Variants in INPP4A observed in about 807,000 individuals in gnomAD.
INPP4A encodes inositol polyphosphate-4-phosphatase, type I, 107kD.
In INPP4A, 33 loss-of-function variants were observed where a neutral mutation model predicts 119.8. That is an observed-to-expected ratio of 0.28 (90% CI 0.21 to 0.37). The LOEUF is 0.37. INPP4A is among the 10% of genes least tolerant of loss of function. The pLI is 1.00. For missense variants in INPP4A, 956 were observed against 1,289.9 expected (o/e 0.74, Z 3.97); for synonymous variants, 496 against 500.7 (o/e 0.99, Z 0.12).
rs1574881958 is a variant in INPP4A, at chr2:98,519,811, C to T, written c.-103-135C>T. 16 of 521,582 alleles carry T rather than the reference C, an allele frequency of 3.1e-5. No individual in the cohort carries two copies. The South Asian group carries it at 3.1e-4, about 10-fold the overall frequency. 32.3% of individuals were successfully genotyped at this position (521,582 alleles called of 1,614,324 possible). ...GAAGGGGCAGGGAGCAGTGGACAGT[C>T]CACCCCGGTTCCTCACATGCTGGGG... On this transcript the variant is annotated intron_variant, in intron 2 of 24. Coordinates refer to ENST00000409851, the MANE Select transcript of INPP4A (RefSeq NM_001134225.2).
chr2:98,575,301 C>G (rs1344675200), intron 23 of INPP4A, among the ~76,000 whole-genome samples: 2 of 152,250 alleles, frequency 1.3e-5, no homozygotes, highest in Non-Finnish European at 2.9e-5. Flanking sequence ...CTGGCCATCC[C>G]TGCCTGCCTT....
At chr2:98,489,637 T>A (rs1680291146) in intron 1 of INPP4A, among the ~76,000 whole-genome samples, 2 of 152,184 alleles carry the variant, frequency 1.3e-5, no homozygotes, top group Admixed American at 1.3e-4. Flanking sequence ...CCCTCTACTA[T>A]GACAGTCCCA....
intron 1 of INPP4A, among the ~76,000 whole-genome samples, chr2:98,480,845 C>T (rs899801054): frequency 1.3e-5 from 2 of 152,216 alleles, no homozygotes; most frequent in African/African-American, 4.8e-5. Flanking sequence ...TGTCCGTCTC[C>T]GCAGCCAAAC....
intron 10 of INPP4A, among the ~76,000 whole-genome samples, chr2:98,541,628 C>G (rs1185308861): frequency 6.6e-6 from 1 of 152,166 alleles, no homozygotes; most frequent in Non-Finnish European, 1.5e-5. Context: ...GTCACCCAGG[C>G]TGGAGTGCAG....
chr2:98,472,873 T>C (rs1337848254), intron 1 of INPP4A, among the ~76,000 whole-genome samples: 1 of 152,218 alleles, frequency 6.6e-6, no homozygotes, highest in East Asian at 1.9e-4. Flanking sequence ...TGAGGTGCTC[T>C]TTCCTGCTGC....
chr2:98,450,192 C>T (rs1255256193), intron 1 of INPP4A, among the ~76,000 whole-genome samples: 4 of 152,126 alleles, frequency 2.6e-5, no homozygotes, highest in African/African-American at 9.7e-5. Flanking sequence ...GTGGGAGGTT[C>T]TGTCCAAAGG....
At chr2:98,571,709 G>A (rs1697481698) in intron 22 of INPP4A, among the ~76,000 whole-genome samples, 1 of 152,238 alleles carries the variant, frequency 6.6e-6, no homozygotes, top group African/African-American at 2.4e-5. Flanking sequence ...GAGCCCACCA[G>A]CTGAATACCC....
chr2:98,570,377 T>C lies in INPP4A; in HGVS notation c.2518+1709T>C, dbSNP rs755248678. On this transcript the variant is annotated intron_variant, in intron 22 of 24. Coordinates refer to ENST00000409851, the MANE Select transcript of INPP4A (RefSeq NM_001134225.2). The surrounding 1 kb of genome is among the most constrained non-coding windows in gnomAD (Gnocchi z 4.3). ...GAAGGCGAGAGAGAGCATCACAGGC[T>C]AGCAGGAAGAAGGCAGGAGCCAGGA... Among the ~76,000 whole-genome samples the C allele has an allele frequency of 2.0e-5, 3 of 152,138 alleles. No homozygotes were observed. Among genetic ancestry groups the C allele is most frequent in the Admixed American group, 1.3e-4 (2 of 15,288 alleles).
Position 98,589,608 on chromosome 2 carries a change from G to A in INPP4A, c.*2000G>A, listed in dbSNP as rs879355755. 1 of 179,142 alleles carries A rather than the reference G, an allele frequency of 5.6e-6. No homozygotes were observed. The highest frequency in any genetic ancestry group is 1.2e-5 in the Non-Finnish European group (1 of 83,580). The allele number at this position is 179,142 out of a possible 1,614,324, so 11.1% of individuals were successfully genotyped here. A position where few individuals can be genotyped will look rare whatever the true frequency, so the allele number is the denominator to read the frequency against. Reference sequence around the variant, plus strand: ...GGGTCACCATAAAACTGTAAGACTTGGCAAATGCTATAGAAAAGGTTCAGG... The same window carrying A: ...GGGTCACCATAAAACTGTAAGACTTAGCAAATGCTATAGAAAAGGTTCAGG... On this transcript the variant is annotated 3_prime_UTR_variant, in exon 25 of 25. Coordinates refer to ENST00000409851, the MANE Select transcript of INPP4A (RefSeq NM_001134225.2).
At chr2:98,547,986 G>T (rs1198768575) in intron 13 of INPP4A, among the ~76,000 whole-genome samples, 1 of 152,160 alleles carries the variant, frequency 6.6e-6, no homozygotes, top group Non-Finnish European at 1.5e-5. Context: ...CCATGGAGCT[G>T]GTGGTTGGCA....
chr2:98,563,329 C>A (rs1431611639), intron 17 of INPP4A, 136 bp from the exon 18 acceptor site: 9 of 833,116 alleles, frequency 1.1e-5, no homozygotes, highest in African/African-American at 1.7e-5. Context: ...TGGTTCCAGA[C>A]AGAGCTGGAA....
At chr2:98,579,492 A>G (rs1698959676) in intron 24 of INPP4A, among the ~76,000 whole-genome samples, 1 of 152,202 alleles carries the variant, frequency 6.6e-6, no homozygotes, top group South Asian at 2.1e-4. Flanking sequence ...AAAAGTATAC[A>G]CCTTTGTAAG....
intron 1 of INPP4A, among the ~76,000 whole-genome samples, chr2:98,474,689 C>T (rs1676843353): frequency 6.6e-6 from 1 of 152,210 alleles, no homozygotes; most frequent in African/African-American, 2.4e-5. Context: ...CATTTGGCAG[C>T]CTCTCTTTGC....
chr2:98,549,939 T>C (rs943977022), intron 13 of INPP4A, among the ~76,000 whole-genome samples: 54 of 152,120 alleles, frequency 3.5e-4, no homozygotes, highest in African/African-American at 1.3e-3. Context: ...TTTTCTCTAC[T>C]GGGGACTCTT....
chr2:98,533,368 A>T lies in INPP4A; in HGVS notation c.152-9A>T. 2 of 1,582,014 alleles carry T rather than the reference A, an allele frequency of 1.3e-6. No individual in the cohort carries two copies. The highest frequency in any genetic ancestry group is 1.7e-4 in the Middle Eastern group (1 of 6,014). The stretch of plus-strand genomic sequence containing the variant: ...AAGGATTCATTTCTTTCCCGTGTTG[A>T]TTCTGTAGCTTGCAGTGAGCTGCAT... On this transcript the variant is annotated splice_polypyrimidine_tract_variant and intron_variant, in intron 4 of 24. Coordinates refer to ENST00000409851, the MANE Select transcript of INPP4A (RefSeq NM_001134225.2).
chr2:98,546,998 A>C lies in INPP4A; in HGVS notation c.1163+304A>C, dbSNP rs1029618206. Reference sequence around the variant, plus strand: ...ACTCTGCTGGCTTGGCATCCTTTAGAGTCCCTGGCCAGTCAGTTGAGCACC... The same window carrying C: ...ACTCTGCTGGCTTGGCATCCTTTAGCGTCCCTGGCCAGTCAGTTGAGCACC... On this transcript the variant is annotated intron_variant, in intron 13 of 24. Coordinates refer to ENST00000409851, the MANE Select transcript of INPP4A (RefSeq NM_001134225.2). The surrounding 1 kb of genome is among the most constrained non-coding windows in gnomAD (Gnocchi z 4.2). Among the ~76,000 whole-genome samples the C allele has an allele frequency of 2.0e-5, 3 of 152,216 alleles. No homozygotes were observed. Among genetic ancestry groups the C allele is most frequent in the African/African-American group, 4.8e-5 (2 of 41,464 alleles).
At chr2:98,543,424 G>C (rs191104683) in intron 10 of INPP4A, among the ~76,000 whole-genome samples, 1 of 152,296 alleles carries the variant, frequency 6.6e-6, no homozygotes, top group Non-Finnish European at 1.5e-5. Flanking sequence ...GGGAGATGAC[G>C]AGGCAAGCAG....
At chr2:98,545,625 T>C (rs1440337586) in intron 11 of INPP4A, among the ~76,000 whole-genome samples, 1 of 152,198 alleles carries the variant, frequency 6.6e-6, no homozygotes, top group Non-Finnish European at 1.5e-5. Flanking sequence ...GTGCTGACAT[T>C]GTGCTGCACA....
chr2:98,455,832 A>G (rs1696045204), intron 1 of INPP4A, among the ~76,000 whole-genome samples: 1 of 152,196 alleles, frequency 6.6e-6, no homozygotes, highest in African/African-American at 2.4e-5. Context: ...TCTAGAGAAG[A>G]AGAAACATAG....
Sources: gnomAD v4.1 joint callset for allele counts (sites outside exome capture counted in the v4.1 genomes callset) on GRCh38, gnomAD v4.1.1 for gene constraint, Gnocchi (gnomAD v3.1) non-coding constraint, MANE v1.5 for transcripts, NCBI Gene and HGNC (gene_info 2026-07-23, HGNC 2026-07-21) for gene names.